Variants in ELL2 observed in about 807,000 individuals in gnomAD.
ELL2 encodes elongation factor for RNA polymerase II 2, also known as RNA polymerase II elongation factor ELL2.
Under a neutral mutation model 72.8 loss-of-function variants are expected in ELL2, and 21 were observed. The ratio of observed to expected loss-of-function variants is 0.29; its 90% CI spans 0.20 to 0.42. The LOEUF (loss-of-function observed/expected upper bound fraction) is 0.42, where lower values mean the gene tolerates loss of function less well. Among genes scored for constraint, ELL2 ranks in the 10% least tolerant of loss-of-function variants. ELL2 has a pLI of 1.00. For synonymous variants in ELL2, 266 were observed against 283.2 expected (o/e 0.94, Z 0.61); for missense variants, 568 against 772.8 (o/e 0.73, Z 3.14).
intron 2 of ELL2, among the ~76,000 whole-genome samples, chr5:95,941,782 T>C (rs558591060): frequency 1.3e-5 from 2 of 152,328 alleles, no homozygotes; most frequent in African/African-American, 4.8e-5. Context: ...TCTTCAGATA[T>C]TATTGCTGCC....
intron 1 of ELL2, among the ~76,000 whole-genome samples, chr5:95,959,265 G>C (rs1174711225): frequency 6.6e-6 from 1 of 152,138 alleles, no homozygotes; most frequent in African/African-American, 2.4e-5. Flanking sequence ...GTAGCTGGCT[G>C]ACCTACTGCC....
chr5:95,901,282 G>T (rs1351083241), intron 5 of ELL2: 2 of 435,392 alleles, frequency 4.6e-6, no homozygotes, highest in Non-Finnish European at 7.8e-6. Flanking sequence ...ACAGCTAAAT[G>T]TTTTTTTCCC....
rs183558508 is a variant in ELL2, at chr5:95,910,161, C to A, written c.482-3379G>T. On this transcript the variant is annotated intron_variant, in intron 4 of 11. Coordinates refer to ENST00000237853, the MANE Select transcript of ELL2 (RefSeq NM_012081.6). ...CTTAGATCTTGTCTAGTTCAAATACCCACCTTTTTTTTTAATATTTGAGAA... is the reference window on the plus strand; with the variant it reads ...CTTAGATCTTGTCTAGTTCAAATACACACCTTTTTTTTTAATATTTGAGAA... Among the ~76,000 whole-genome samples the A allele has an allele frequency of 1.1e-4, 16 of 151,114 alleles. No individual in the cohort carries two copies. The East Asian group carries it at 3.1e-3, about 29-fold the overall frequency.
At chr5:95,928,933 G>A (rs185675165) in intron 2 of ELL2, among the ~76,000 whole-genome samples, 1 of 152,222 alleles carries the variant, frequency 6.6e-6, no homozygotes, top group African/African-American at 2.4e-5. Flanking sequence ...CAGTTTAACT[G>A]GGCCTCATCT....
intron 9 of ELL2, among the ~76,000 whole-genome samples, chr5:95,893,861 A>T (rs1748762124): frequency 6.6e-6 from 1 of 152,234 alleles, no homozygotes; most frequent in Admixed American, 6.5e-5. Flanking sequence ...AAATAAATTA[A>T]GCGAACAATC....
chr5:95,885,424 C>T lies in ELL2; in HGVS notation c.*3447G>A, dbSNP rs746624629. 1.3e-5 allele frequency: 2 copies of T among 152,148 alleles called. No homozygotes were observed. Among genetic ancestry groups the T allele is most frequent in the African/African-American group, 2.4e-5 (1 of 41,432 alleles). The allele number at this position is 152,148 out of a possible 1,614,324, so 9.4% of individuals were successfully genotyped here. On this transcript the variant is annotated 3_prime_UTR_variant, in exon 12 of 12. Transcript: ENST00000237853. ...GCTATAATTTTTTCTCCATCCAGTA[C>T]ACATAAGAAAAGGATTTAGTAACAC... is the stretch of plus-strand genomic sequence containing the variant.
At chr5:95,905,469 C>G (rs994841916) in intron 5 of ELL2, among the ~76,000 whole-genome samples, 6 of 150,068 alleles carry the variant, frequency 4.0e-5, no homozygotes, top group South Asian at 2.1e-4. Context: ...AGATATCAAA[C>G]TGAACACACA....
chr5:95,943,001 C>T lies in ELL2; in HGVS notation c.195+1G>A. On this transcript the variant is annotated splice_donor_variant, in intron 2 of 11. Coordinates refer to ENST00000237853, the MANE Select transcript of ELL2 (RefSeq NM_012081.6). LOFTEE classifies it high-confidence loss of function. ...TTTGTTAAATCAATAAGAGTACTCACCCCGTGGAGTCCTTGGAACTGGATT... is the reference window on the plus strand; with the variant it reads ...TTTGTTAAATCAATAAGAGTACTCATCCCGTGGAGTCCTTGGAACTGGATT... The T allele has an allele frequency of 6.3e-7, 1 of 1,591,140 alleles. No individual in the cohort carries two copies. Among genetic ancestry groups the T allele is most frequent in the Non-Finnish European group, 8.6e-7 (1 of 1,168,522 alleles).
intron 1 of ELL2, among the ~76,000 whole-genome samples, chr5:95,950,937 TA>T (rs1356208808): frequency 0.034 from 4,038 of 118,822 alleles, 295 homozygotes; most frequent in East Asian, 0.25. Context: ...TATATATATA[TA>T]TATATATATA....
In ELL2 at chr5:95,951,411, A is replaced by ATAAATAAAT. The variant is rs59858317; in HGVS notation, c.148-8363_148-8362insATTTATTTA. 3.3e-5 allele frequency among the ~76,000 whole-genome samples: 5 copies of ATAAATAAAT among 151,496 alleles called. 1 individual carries two copies. In the South Asian group the frequency reaches 6.3e-4, roughly 19 times the overall value. On this transcript the variant is annotated intron_variant, in intron 1 of 11. Transcript: ENST00000237853. ...AATAAATAAATAAATAAATAAATCA[A>ATAAATAAAT]CAACACTTGAAGCATAGTATTCCAC...
In ELL2 at chr5:95,906,503, C is replaced by G. The variant is rs751499616; in HGVS notation, c.741+20G>C. ...TAACAAGAAGGTAAGCAGGAAGGAC[C>G]TCTCTCCAGCTGTCCTCACCTGTTG... On this transcript the variant is annotated intron_variant, in intron 5 of 11. Coordinates refer to ENST00000237853, the MANE Select transcript of ELL2 (RefSeq NM_012081.6). 1 of 1,566,554 alleles carries G rather than the reference C, an allele frequency of 6.4e-7. No individual in the cohort carries two copies. Among genetic ancestry groups the G allele is most frequent in the Non-Finnish European group, 8.7e-7 (1 of 1,151,208 alleles).
chr5:95,906,933 CAGAA>C, intron 4 of ELL2, 151 bp from the exon 5 acceptor site: 1 of 722,912 alleles, frequency 1.4e-6, no homozygotes. Flanking sequence ...GGCATGCAAA[CAGAA>C]AGCATTTTAA....
chr5:95,948,878 C>T (rs1486488814), intron 1 of ELL2, among the ~76,000 whole-genome samples: 1 of 152,184 alleles, frequency 6.6e-6, no homozygotes, highest in East Asian at 1.9e-4. Flanking sequence ...CTTCAACAAC[C>T]TGATAAAAGT....
At chr5:95,941,665 T>C (rs1750974175) in intron 2 of ELL2, among the ~76,000 whole-genome samples, 1 of 152,188 alleles carries the variant, frequency 6.6e-6, no homozygotes, top group Non-Finnish European at 1.5e-5. Flanking sequence ...GAAATGCAGC[T>C]CAAACCTTAT....
At chr5:95,941,241 T>C (rs1478309069) in intron 2 of ELL2, among the ~76,000 whole-genome samples, 1 of 152,036 alleles carries the variant, frequency 6.6e-6, no homozygotes, top group Non-Finnish European at 1.5e-5. Context: ...TATATCTAAA[T>C]TGCTTCCATC....
At chr5:95,905,002 C>T (rs1363035162) in intron 5 of ELL2, among the ~76,000 whole-genome samples, 1 of 152,024 alleles carries the variant, frequency 6.6e-6, no homozygotes, top group Non-Finnish European at 1.5e-5. Flanking sequence ...GGTTTCAGCT[C>T]GTATATTAGA....
At chr5:95,922,658 A>AT (rs1278814780) in intron 2 of ELL2, among the ~76,000 whole-genome samples, 25 of 152,064 alleles carry the variant, frequency 1.6e-4, no homozygotes, top group Non-Finnish European at 4.4e-5. Flanking sequence ...CTTTCTATGC[A>AT]TTTTTTTCTC....
intron 4 of ELL2, among the ~76,000 whole-genome samples, chr5:95,908,044 T>C (rs1749442661): frequency 6.6e-6 from 1 of 152,222 alleles, no homozygotes; most frequent in Non-Finnish European, 1.5e-5. Flanking sequence ...TATGTTTCTT[T>C]ACTATCTGTA....
intron 2 of ELL2, among the ~76,000 whole-genome samples, chr5:95,934,548 C>A (rs1179994339): frequency 3.3e-5 from 5 of 152,174 alleles, no homozygotes; most frequent in Non-Finnish European, 7.4e-5. Context: ...ACTCCCACAC[C>A]CTTGATAACA....
Sources: allele counts gnomAD v4.1 joint callset (sites outside exome capture counted in the v4.1 genomes callset), GRCh38; gene constraint gnomAD v4.1.1; transcripts MANE v1.5; gene names NCBI Gene and HGNC (gene_info 2026-07-23, HGNC 2026-07-21).